The following ATAD5 variants were observed in gnomAD, a reference collection of about 807,000 sequenced individuals.
ATAD5 encodes ATPase family AAA domain-containing protein 5.
ATAD5 carries 58 observed loss-of-function variants against 176.9 expected under a neutral mutation model. The ratio of observed to expected loss-of-function variants is 0.33; its 90% CI spans 0.27 to 0.41. ATAD5 has a LOEUF of 0.41. Among genes scored for constraint, ATAD5 ranks in the 10% least tolerant of loss-of-function variants. The probability of loss-of-function intolerance (pLI) is 1.00; values close to 1 mark genes in which losing one functional copy is unlikely to be tolerated. For synonymous variants in ATAD5, 640 were observed against 712.6 expected, an observed-to-expected ratio of 0.90 and a Z score of 1.62; for missense variants, 1,789 against 2,094.1, an observed-to-expected ratio of 0.85 and a Z score of 2.84.
Position 30,887,425 on chromosome 17 carries a change from T to C in ATAD5, c.4258+53T>C, listed in dbSNP as rs532215168. ...TCTATTATGGGACCCTATTTAAAAA[T>C]CTGTGCTATGGCTGGGTGCAGTGGC... On this transcript the variant is annotated intron_variant, in intron 19 of 22. Coordinates refer to ENST00000321990, the MANE Select transcript of ATAD5 (RefSeq NM_024857.5). 2.8e-5 allele frequency: 42 copies of C among 1,483,322 alleles called. No homozygotes were observed. The South Asian group carries it at 5.1e-4, about 18-fold the overall frequency. The allele number at this position is 1,483,322 out of a possible 1,614,324, so 91.9% of individuals were successfully genotyped here. A position where few individuals can be genotyped will look rare whatever the true frequency, so the allele number is the denominator to read the frequency against.
intron 14 of ATAD5, among the ~76,000 whole-genome samples, chr17:30,870,682 T>TAGG (rs1908285717): frequency 6.6e-6 from 1 of 152,300 alleles, no homozygotes; most frequent in South Asian, 2.1e-4. Flanking sequence ...TATTAGTACT[T>TAGG]AGAGTGATGG....
intron 12 of ATAD5, 80 bp downstream of exon 12, chr17:30,868,492 A>G: frequency 1.0e-6 from 1 of 956,510 alleles, no homozygotes; most frequent in African/African-American, 1.8e-5. Flanking sequence ...CTTTCTATAA[A>G]ATTTCTTTTT....
At chr17:30,833,112 T>C (rs1905481820) in intron 1 of ATAD5, among the ~76,000 whole-genome samples, 1 of 152,234 alleles carries the variant, frequency 6.6e-6, no homozygotes, top group African/African-American at 2.4e-5. Context: ...AGTTAAGATG[T>C]ATGTATGTTC....
chr17:30,855,269 G>A lies in ATAD5; in HGVS notation c.2577G>A (p.Val859=). The A allele has an allele frequency of 3.1e-6, 5 of 1,613,342 alleles. No individual in the cohort carries two copies. The highest frequency in any genetic ancestry group is 3.4e-6 in the Non-Finnish European group (4 of 1,179,810). The change falls in exon 7 of 23, where the codon GTG becomes GTA. Residue 859 remains valine (V), a synonymous_variant. Transcript: ENST00000321990. The stretch of plus-strand genomic sequence containing the variant: ...CAAAGAAAGCTGCTGCGCTGGATGT[G>A]TACAATGCAGTGAGTACCAGTTTCC... ...QIAKKAAALD[V]YNAVSTSFQR... is the part of the protein sequence containing the mutation.
chr17:30,857,630 T>C (rs1907359946), intron 8 of ATAD5, among the ~76,000 whole-genome samples: 2 of 152,304 alleles, frequency 1.3e-5, no homozygotes, highest in South Asian at 4.1e-4. Flanking sequence ...TTAGATTACA[T>C]AGCACATTTA....
intron 22 of ATAD5, 53 bp from the exon 23 acceptor site, chr17:30,894,781 TC>T (rs757372714): frequency 5.8e-4 from 905 of 1,556,522 alleles, no homozygotes; most frequent in Non-Finnish European, 7.2e-4. Flanking sequence ...ATACATATTT[TC>T]ATAAGATGAA....
intron 19 of ATAD5, among the ~76,000 whole-genome samples, chr17:30,888,910 A>G (rs1273257316): frequency 6.6e-6 from 1 of 152,070 alleles, no homozygotes; most frequent in Admixed American, 6.6e-5. Context: ...TACTAAAAAT[A>G]CAGACATTAG....
At chr17:30,862,524 C>A (rs915692922) in intron 10 of ATAD5, among the ~76,000 whole-genome samples, 2 of 152,034 alleles carry the variant, frequency 1.3e-5, no homozygotes, top group African/African-American at 2.4e-5. Context: ...TTGTTGCAAC[C>A]TCTGCCTCCC....
At chr17:30,844,293 G>T (rs1478448414) in intron 5 of ATAD5, among the ~76,000 whole-genome samples, 1 of 151,682 alleles carries the variant, frequency 6.6e-6, no homozygotes, top group Non-Finnish European at 1.5e-5. Context: ...CACCATGCCC[G>T]GCTAATTTTT....
intron 5 of ATAD5, among the ~76,000 whole-genome samples, 156 bp from the exon 6 acceptor site, chr17:30,844,679 T>G (rs1422127686): frequency 7.9e-6 from 1 of 126,016 alleles, no homozygotes; most frequent in East Asian, 2.3e-4. Context: ...GCCCTGGAGG[T>G]GGAGGTTGCA....
intron 8 of ATAD5, among the ~76,000 whole-genome samples, chr17:30,857,776 T>G (rs1189828072): frequency 6.7e-6 from 1 of 148,386 alleles, no homozygotes; most frequent in Non-Finnish European, 1.5e-5. Flanking sequence ...AGTCTCACCC[T>G]GTTGCCCAGG....
intron 14 of ATAD5, among the ~76,000 whole-genome samples, chr17:30,870,825 T>C (rs1908293459): frequency 6.6e-6 from 1 of 152,152 alleles, no homozygotes; most frequent in South Asian, 2.1e-4. Flanking sequence ...TTTGTTGCTT[T>C]GGAGATTTTC....
intron 1 of ATAD5, among the ~76,000 whole-genome samples, chr17:30,833,042 C>T (rs887624990): frequency 1.3e-5 from 2 of 152,210 alleles, no homozygotes; most frequent in African/African-American, 4.8e-5. Context: ...TTATATTTTA[C>T]ACCTTTTCAT....
chr17:30,844,350 C>G (rs1387828158), intron 5 of ATAD5, among the ~76,000 whole-genome samples: 1 of 152,020 alleles, frequency 6.6e-6, no homozygotes, highest in Non-Finnish European at 1.5e-5. Context: ...CCAGGCTGGT[C>G]TCGAACTCCT....
chr17:30,866,185 ATTTTTTTTTTTTT>A (rs542432593), intron 11 of ATAD5, among the ~76,000 whole-genome samples: 2 of 79,240 alleles, frequency 2.5e-5, no homozygotes, highest in East Asian at 3.2e-4. Flanking sequence ...GAATTTACAA[ATTTTTTTTTTTTT>A]TTTTTTTTTT....
chr17:30,870,030 C>T (rs1908249146), intron 14 of ATAD5, among the ~76,000 whole-genome samples: 1 of 152,078 alleles, frequency 6.6e-6, no homozygotes, highest in Non-Finnish European at 1.5e-5. Flanking sequence ...GGGAGGTTCA[C>T]TTGAGCCTAG....
chr17:30,869,752 G>C, intron 14 of ATAD5, 106 bp downstream of exon 14: 1 of 1,263,016 alleles, frequency 7.9e-7, no homozygotes, highest in Non-Finnish European at 1.1e-6. Flanking sequence ...TCTTCTACAC[G>C]TACACGTTTC....
intron 1 of ATAD5, among the ~76,000 whole-genome samples, chr17:30,833,090 G>A (rs1017477670): frequency 2.6e-5 from 4 of 152,130 alleles, no homozygotes; most frequent in African/African-American, 9.7e-5. Context: ...GTATCTTGGC[G>A]TCCTTGAAGA....
intron 2 of ATAD5, among the ~76,000 whole-genome samples, chr17:30,836,534 A>T (rs939891172): frequency 1.3e-5 from 2 of 150,142 alleles, no homozygotes; most frequent in African/African-American, 2.4e-5. Context: ...ATGTAATTAA[A>T]TTTTTTTTTT....
Sources: gnomAD v4.1 joint callset for allele counts (sites outside exome capture counted in the v4.1 genomes callset) on GRCh38, gnomAD v4.1.1 for gene constraint, MANE v1.5 for transcripts, NCBI Gene and HGNC (gene_info 2026-07-23, HGNC 2026-07-21) for gene names.